The following MIGA2 variants were observed in gnomAD, a reference collection of about 807,000 sequenced individuals.
The protein encoded by MIGA2 is mitoguardin 2.
Under a neutral mutation model 69.9 loss-of-function variants are expected in MIGA2, and 36 were observed. That is an observed-to-expected ratio of 0.52 (90% CI 0.39 to 0.68). The LOEUF (loss-of-function observed/expected upper bound fraction) is 0.68. Among genes scored for constraint, MIGA2 ranks in the 30% least tolerant of loss-of-function variants. The pLI is 0.00. For synonymous variants in MIGA2, 333 were observed against 349.2 expected (o/e 0.95, Z 0.52); for missense variants, 660 against 787.7 (o/e 0.84, Z 1.94).
At chr9:129,039,119 A>G (rs942744717) in intron 1 of MIGA2, among the ~76,000 whole-genome samples, 1 of 150,898 alleles carries the variant, frequency 6.6e-6, no homozygotes, top group Non-Finnish European at 1.5e-5. Flanking sequence ...TGATTCAGTG[A>G]GATGATGGAT....
chr9:129,063,217 G>A (rs1846158751), intron 9 of MIGA2, 27 bp from the exon 10 acceptor site: 1 of 1,613,372 alleles, frequency 6.2e-7, no homozygotes, highest in Non-Finnish European at 8.5e-7. Flanking sequence ...GGACCAGGTT[G>A]TGTGACGCCG....
At chr9:129,055,085 T>C (rs1445682271) in intron 6 of MIGA2, among the ~76,000 whole-genome samples, 4 of 147,344 alleles carry the variant, frequency 2.7e-5, no homozygotes, top group Non-Finnish European at 6.0e-5. Flanking sequence ...CTTTTCTTTT[T>C]TTTTTTTTTT....
intron 6 of MIGA2, among the ~76,000 whole-genome samples, chr9:129,052,017 A>G (rs1845572165): frequency 6.6e-6 from 1 of 151,758 alleles, no homozygotes; most frequent in South Asian, 2.1e-4. Flanking sequence ...TAGCAGAGAC[A>G]GGGTTTCACT....
Position 129,059,334 on chromosome 9 carries a change from A to G in MIGA2, c.793+63A>G. 7.5e-7 allele frequency: 1 copy of G among 1,338,770 alleles called. No individual in the cohort carries two copies. Among genetic ancestry groups the G allele is most frequent in the Non-Finnish European group, 1.0e-6 (1 of 960,750 alleles). 82.9% of individuals were successfully genotyped at this position (1,338,770 alleles called of 1,614,324 possible). A position where few individuals can be genotyped will look rare whatever the true frequency, so the allele number is the denominator to read the frequency against. On this transcript the variant is annotated intron_variant, in intron 7 of 15. Transcript: ENST00000684074. This position sits in a 1 kb window ranked among gnomAD's most constrained non-coding sequence, Gnocchi z 5.6. ...GGTGGCAGGGATGGAGGTGAGGAGA[A>G]GTTGCGAGAACCGGGTCGTGGTTCT...
intron 6 of MIGA2, among the ~76,000 whole-genome samples, chr9:129,055,080 CTT>C (rs112156716): frequency 1.1e-4 from 13 of 122,806 alleles, no homozygotes; most frequent in Non-Finnish European, 1.0e-4. Context: ...TTTTTCTTTT[CTT>C]TTTTTTTTTT....
intron 3 of MIGA2, among the ~76,000 whole-genome samples, chr9:129,044,452 A>T (rs1320517286): frequency 6.6e-6 from 1 of 152,120 alleles, no homozygotes; most frequent in African/African-American, 2.4e-5. Flanking sequence ...CTGTGGTTGT[A>T]AAAACTCTTA....
Position 129,061,216 on chromosome 9 carries a change from T to G in MIGA2, c.895-15T>G. ...CATGGGCTTCCCTGGTCTCTTCCTC[T>G]GCACCCTCTCCCAGCTCTTTGAGTC... On this transcript the variant is annotated splice_polypyrimidine_tract_variant and intron_variant, in intron 8 of 15. Transcript: ENST00000684074. The surrounding 1 kb of genome is among the most constrained non-coding windows in gnomAD (Gnocchi z 5.0). The G allele has an allele frequency of 6.2e-7, 1 of 1,603,882 alleles. No individual in the cohort carries two copies. Among genetic ancestry groups the G allele is most frequent in the Non-Finnish European group, 8.5e-7 (1 of 1,174,880 alleles).
chr9:129,055,615 A>T (rs1845756161), intron 6 of MIGA2, among the ~76,000 whole-genome samples: 1 of 151,818 alleles, frequency 6.6e-6, no homozygotes, highest in Non-Finnish European at 1.5e-5. Context: ...CTTTGGGAGG[A>T]TGAGGTGGGC....
At chr9:129,056,129 G>GCAA (rs1845783172) in intron 6 of MIGA2, among the ~76,000 whole-genome samples, 1 of 77,364 alleles carries the variant, frequency 1.3e-5, no homozygotes, top group South Asian at 3.9e-4. Context: ...CCTGTCTCAA[G>GCAA]AAAAAAAAAA....
intron 6 of MIGA2, among the ~76,000 whole-genome samples, chr9:129,054,937 G>T (rs1048679563): frequency 3.3e-5 from 5 of 152,122 alleles, no homozygotes; most frequent in African/African-American, 1.2e-4. Context: ...TGTCGCCCTG[G>T]CTGGCGTGCA....
intron 10 of MIGA2, 29 bp downstream of exon 10, chr9:129,063,345 G>A: frequency 1.9e-6 from 3 of 1,611,082 alleles, no homozygotes; most frequent in Non-Finnish European, 1.7e-6. Flanking sequence ...TTCCTCGGGG[G>A]TGGGAGGCAA....
chr9:129,054,635 C>T (rs188160662), intron 6 of MIGA2, among the ~76,000 whole-genome samples: 1 of 152,342 alleles, frequency 6.6e-6, no homozygotes, highest in East Asian at 1.9e-4. Context: ...TTGCGACTGC[C>T]TCCTTTCACA....
At position 129,069,134 on chromosome 9, in the gene MIGA2, GTGAC is replaced by G. The variant is rs1471082865; in HGVS notation, c.1458+8_1458+11del. ...GCCAAGAGGAGGCTGCTGATGGTGA[GTGAC>G]TGGCAGGCCCGGGGGAGCACGAGCT... On this transcript the variant is annotated splice_donor_region_variant and intron_variant, in intron 14 of 15. Transcript: ENST00000684074. This position sits in a 1 kb window ranked among gnomAD's most constrained non-coding sequence, Gnocchi z 4.9. 1 of 1,613,838 alleles carries G rather than the reference GTGAC, an allele frequency of 6.2e-7. No homozygotes were observed. Among genetic ancestry groups the G allele is most frequent in the Non-Finnish European group, 8.5e-7 (1 of 1,179,966 alleles).
intron 1 of MIGA2, among the ~76,000 whole-genome samples, chr9:129,039,568 T>C (rs951964622): frequency 7.9e-5 from 12 of 151,318 alleles, no homozygotes; most frequent in African/African-American, 2.7e-4. Flanking sequence ...ATTATTATTA[T>C]TATTTTTTGA....
chr9:129,067,135 C>CAAAAAAAA (rs774512522), intron 11 of MIGA2, among the ~76,000 whole-genome samples: 1 of 52,014 alleles, frequency 1.9e-5, no homozygotes. Context: ...GACTCCATCT[C>CAAAAAAAA]AAAAAAAAAA....
intron 3 of MIGA2, among the ~76,000 whole-genome samples, chr9:129,045,403 C>T (rs916594476): frequency 7.1e-6 from 1 of 140,724 alleles, no homozygotes; most frequent in Non-Finnish European, 1.5e-5. Context: ...GATCACACCA[C>T]TGCACTCCAG....
At position 129,060,526 on chromosome 9, in the gene MIGA2, G is replaced by A. The variant is rs1484519847; in HGVS notation, c.794-24G>A. On this transcript the variant is annotated intron_variant, in intron 7 of 15. Coordinates refer to ENST00000684074, the MANE Select transcript of MIGA2 (RefSeq NM_001329990.2). This position sits in a 1 kb window ranked among gnomAD's most constrained non-coding sequence, Gnocchi z 4.8. ...GCACTGTGTGGGGAGTCTCAGCCCCGCTTTCTCTCACTGCTCTTCCCAGAG... is the reference window on the plus strand; with the variant it reads ...GCACTGTGTGGGGAGTCTCAGCCCCACTTTCTCTCACTGCTCTTCCCAGAG... The A allele has an allele frequency of 4.5e-6, 7 of 1,559,608 alleles. No individual in the cohort carries two copies. Among genetic ancestry groups the A allele is most frequent in the South Asian group, 3.5e-5 (3 of 85,292 alleles).
rs774512522 is a variant in MIGA2, at chr9:129,067,135, CAAAAAAAAAAA to C, written c.1171-625_1171-615del. The stretch of plus-strand genomic sequence containing the variant: ...TAGGTGACAGAGCGAGACTCCATCT[CAAAAAAAAAAA>C]AAAAAAAAAAAATCACGAGTTAATC... On this transcript the variant is annotated intron_variant, in intron 11 of 15. Coordinates refer to ENST00000684074, the MANE Select transcript of MIGA2 (RefSeq NM_001329990.2). Among the ~76,000 whole-genome samples the C allele has an allele frequency of 1.2e-4, 6 of 52,020 alleles. No individual in the cohort carries two copies. The South Asian group carries it at 3.8e-3, about 33-fold the overall frequency. The allele number at this position is 52,020 out of a possible 152,430, so 34.1% of individuals were successfully genotyped here.
Position 129,068,258 on chromosome 9 carries a change from G to A in MIGA2, c.1330G>A (p.Asp444Asn). The change falls in exon 13 of 16, where the codon GAC becomes AAC. Residue 444 changes from aspartate to asparagine, a missense_variant. Physicochemically the swap from Asp to Asn is conservative, Grantham distance 23 (BLOSUM62 1). Coordinates refer to ENST00000684074, the MANE Select transcript of MIGA2 (RefSeq NM_001329990.2). The surrounding 1 kb of genome is among the most constrained non-coding windows in gnomAD (Gnocchi z 4.1). ...LDFILMDAFEDLENPPASVLA... is the reference protein window; with the variant it reads ...LDFILMDAFENLENPPASVLA... Reference sequence around the variant, plus strand: ...CTTCATCCTCATGGACGCCTTCGAGGACCTGGAGAACCCTCCGGCCTCGGT... The same window carrying A: ...CTTCATCCTCATGGACGCCTTCGAGAACCTGGAGAACCCTCCGGCCTCGGT... 6.2e-7 allele frequency: 1 copy of A among 1,613,544 alleles called. No homozygotes were observed. Among genetic ancestry groups the A allele is most frequent in the South Asian group, 1.1e-5 (1 of 91,080 alleles).
Sources: allele counts gnomAD v4.1 joint callset (sites outside exome capture counted in the v4.1 genomes callset), GRCh38; gene constraint gnomAD v4.1.1; non-coding constraint Gnocchi (gnomAD v3.1); transcripts MANE v1.5; gene names NCBI Gene and HGNC (gene_info 2026-07-23, HGNC 2026-07-21).